RB1CC1: variants seen among roughly 807,000 people sequenced by gnomAD.
RB1CC1 encodes the protein RB1 inducible coiled-coil 1.
Under a neutral mutation model 177.5 loss-of-function variants are expected in RB1CC1, and 46 were observed. The ratio of observed to expected loss-of-function variants is 0.26; its 90% CI spans 0.20 to 0.33. The LOEUF (loss-of-function observed/expected upper bound fraction) is 0.33, where lower values mean the gene tolerates loss of function less well. RB1CC1 is among the 10% of genes least tolerant of loss of function. The pLI, the probability that RB1CC1 is intolerant of heterozygous loss-of-function variation, is 1.00. For missense variants in RB1CC1, 1,703 were observed against 1,816.3 expected (o/e 0.94, Z 1.13); for synonymous variants, 666 against 613.6 (o/e 1.09, Z -1.26).
At chr8:52,658,726 T>C in intron 13 of RB1CC1, 147 bp downstream of exon 13, 1 of 450,712 alleles carries the variant, frequency 2.2e-6, no homozygotes, top group South Asian at 8.7e-5. Context: ...CCCAGAAATT[T>C]CTCAAAGCAG....
At chr8:52,669,994 C>T (rs932643675) in intron 7 of RB1CC1, among the ~76,000 whole-genome samples, 1 of 152,186 alleles carries the variant, frequency 6.6e-6, no homozygotes, top group Non-Finnish European at 1.5e-5. Context: ...GGCTCTGTTG[C>T]CCAAGATAGA....
chr8:52,644,910 C>T (rs573817708), intron 16 of RB1CC1, among the ~76,000 whole-genome samples: 19 of 152,264 alleles, frequency 1.2e-4, no homozygotes, highest in African/African-American at 3.4e-4. Context: ...GCAATATTAT[C>T]CCTGGCCTGA....
intron 11 of RB1CC1, 87 bp from the exon 12 acceptor site, chr8:52,660,744 A>G (rs777699669): frequency 3.9e-5 from 50 of 1,285,534 alleles, no homozygotes; most frequent in Non-Finnish European, 4.1e-5. Flanking sequence ...GTAAATTAAA[A>G]GTTGACAGTA....
chr8:52,668,781 T>C (rs530792626), intron 7 of RB1CC1, among the ~76,000 whole-genome samples: 1 of 152,300 alleles, frequency 6.6e-6, no homozygotes. Context: ...TCTGTCTGCG[T>C]TTTCCATAAA....
At chr8:52,644,711 T>C (rs1367068112) in intron 16 of RB1CC1, among the ~76,000 whole-genome samples, 2 of 152,182 alleles carry the variant, frequency 1.3e-5, no homozygotes, top group African/African-American at 2.4e-5. Flanking sequence ...AAATCTAAAA[T>C]TGTTAGAGGT....
Position 52,656,148 on chromosome 8 carries a change from T to G in RB1CC1, c.3681A>C (p.Arg1227Ser). 1 of 1,613,882 alleles carries G rather than the reference T, an allele frequency of 6.2e-7. No homozygotes were observed. The highest frequency in any genetic ancestry group is 1.3e-5 in the African/African-American group (1 of 75,052). ...AATTAAGCTTCTGAATTAACTGTTC[T>G]CTGTCTTGCTCCTGGCTGCTGACCA... ...QKLVSSQEQDREQLIQKLNCE... is the reference protein window; with the variant it reads ...QKLVSSQEQDSEQLIQKLNCE... Residue 1227 changes from arginine to serine, a missense_variant, in exon 15 of 24, where the codon AGA becomes AGC. Physicochemically the swap from Arg to Ser is moderately radical, Grantham distance 110. This residue lies in a region of RB1CC1 where 1,169 missense variants were observed against 1,184.7 expected (regional missense o/e 0.99). Coordinates refer to ENST00000025008, the MANE Select transcript of RB1CC1 (RefSeq NM_014781.5).
chr8:52,707,937 C>A (rs2150719761), intron 1 of RB1CC1, among the ~76,000 whole-genome samples: 1 of 152,286 alleles, frequency 6.6e-6, no homozygotes, highest in Admixed American at 6.5e-5. Context: ...TATCAGTTGA[C>A]AATCTATAAA....
chr8:52,631,922 G>C (rs1221745563), intron 20 of RB1CC1, among the ~76,000 whole-genome samples: 1 of 152,130 alleles, frequency 6.6e-6, no homozygotes, highest in Non-Finnish European at 1.5e-5. Context: ...GGTTAAACTG[G>C]GGTGGGAGCA....
At position 52,714,279 on chromosome 8, in the gene RB1CC1, C is replaced by T. The variant is rs757760511; in HGVS notation, c.-371G>A. On this transcript the variant is annotated 5_prime_UTR_variant, in exon 1 of 24. Transcript: ENST00000025008. ...GGAGGGGTCCGGGCGGACAAGGACGCGAGCAGGCCCCTCGGCTCTGGGTCT... is the reference window on the plus strand; with the variant it reads ...GGAGGGGTCCGGGCGGACAAGGACGTGAGCAGGCCCCTCGGCTCTGGGTCT... The T allele has an allele frequency of 2.1e-5, 4 of 192,644 alleles. No homozygotes were observed. The highest frequency in any genetic ancestry group is 4.5e-5 in the Non-Finnish European group (4 of 89,684). The allele number at this position is 192,644 out of a possible 1,614,324, so 11.9% of individuals were successfully genotyped here.
At chr8:52,671,285 CAA>C (rs1189149383) in intron 7 of RB1CC1, among the ~76,000 whole-genome samples, 1 of 152,058 alleles carries the variant, frequency 6.6e-6, no homozygotes, top group Non-Finnish European at 1.5e-5. Flanking sequence ...GTACATGTTA[CAA>C]AATACTGTTA....
At chr8:52,645,595 A>C in intron 16 of RB1CC1, 107 bp downstream of exon 16, 1 of 1,141,522 alleles carries the variant, frequency 8.8e-7, no homozygotes, top group Non-Finnish European at 1.2e-6. Flanking sequence ...TGTAAGGAAC[A>C]TCACATCTAA....
At chr8:52,706,698 C>T (rs1856582684) in intron 1 of RB1CC1, among the ~76,000 whole-genome samples, 1 of 150,862 alleles carries the variant, frequency 6.6e-6, no homozygotes, top group East Asian at 2.0e-4. Context: ...CGCCACTGCA[C>T]TCTAGCCTGG....
rs751967204 is a variant in RB1CC1, at chr8:52,656,794, A to C, written c.3035T>G (p.Val1012Gly). The C allele has an allele frequency of 1.2e-6, 2 of 1,613,688 alleles. No homozygotes were observed. Among genetic ancestry groups the C allele is most frequent in the South Asian group, 1.1e-5 (1 of 91,048 alleles). Residue 1012 changes from valine to glycine, a missense_variant, in exon 15 of 24, where the codon GTT becomes GGT. Physicochemically the swap from Val to Gly is moderately radical, Grantham distance 109 (BLOSUM62 -3). Coordinates refer to ENST00000025008, the MANE Select transcript of RB1CC1 (RefSeq NM_014781.5). ...TTCCTTTTTTAATTCCTCCAAAGAA[A>C]CTCTGTGGTCTGTCATAACCTTCTC... ...EFEKVMTDHRVSLEELKKENQ... is the reference protein window; with the variant it reads ...EFEKVMTDHRGSLEELKKENQ...
intron 5 of RB1CC1, among the ~76,000 whole-genome samples, chr8:52,677,231 T>C (rs763594410): frequency 6.6e-6 from 1 of 152,044 alleles, no homozygotes; most frequent in Admixed American, 6.6e-5. Context: ...ATGAGACAGA[T>C]ATAAAAGTCA....
At chr8:52,695,710 A>G (rs1252981723) in intron 1 of RB1CC1, among the ~76,000 whole-genome samples, 1 of 152,242 alleles carries the variant, frequency 6.6e-6, no homozygotes, top group Non-Finnish European at 1.5e-5. Flanking sequence ...AACACTGTCT[A>G]TGACTCCACC....
chr8:52,700,906 C>T (rs78033932), intron 1 of RB1CC1, among the ~76,000 whole-genome samples: 1,824 of 152,290 alleles, frequency 0.012, 43 homozygotes, highest in African/African-American at 0.042. Flanking sequence ...AGGCATGAAA[C>T]GTGAAATCTT....
At chr8:52,675,790 G>A (rs1015561729) in intron 6 of RB1CC1, among the ~76,000 whole-genome samples, 1 of 150,844 alleles carries the variant, frequency 6.6e-6, no homozygotes, top group Admixed American at 6.6e-5. Context: ...GGGAGGCTGA[G>A]GCAGAAGAAT....
At position 52,667,971 on chromosome 8, in the gene RB1CC1, TA is replaced by T. The variant is rs554700076; in HGVS notation, c.1173+49del. 8.2e-5 allele frequency: 128 copies of T among 1,560,180 alleles called. No individual in the cohort carries two copies. In the African/African-American group the frequency reaches 1.5e-3, roughly 19 times the overall value. ...ATTGATACTGCATATAAAACATGTG[TA>T]CAAAAAAACTATAAATTCCTTTTCC... On this transcript the variant is annotated intron_variant, in intron 8 of 23. Coordinates refer to ENST00000025008, the MANE Select transcript of RB1CC1 (RefSeq NM_014781.5).
chr8:52,700,606 T>C (rs1489279222), intron 1 of RB1CC1, among the ~76,000 whole-genome samples: 1 of 152,214 alleles, frequency 6.6e-6, no homozygotes, highest in African/African-American at 2.4e-5. Context: ...CATATCTTAT[T>C]GGTCATTGGC....
Sources: allele counts gnomAD v4.1 joint callset (sites outside exome capture counted in the v4.1 genomes callset), GRCh38; gene constraint gnomAD v4.1.1; regional missense constraint gnomAD v4.1.1; transcripts MANE v1.5; gene names NCBI Gene and HGNC (gene_info 2026-07-23, HGNC 2026-07-21).